Variants in HOMER2 observed in about 807,000 individuals in gnomAD.
HOMER2 encodes the protein homer protein homolog 2.
A neutral mutation model predicts 47.0 loss-of-function variants in HOMER2; 27 were observed. The observed-to-expected ratio is 0.57, with a 90% CI of 0.42 to 0.79. The LOEUF is 0.79. HOMER2 is among the 30% of genes least tolerant of loss of function. The pLI is 0.00. For missense variants in HOMER2, 443 were observed against 435.0 expected (o/e 1.02, Z -0.16); for synonymous variants, 161 against 163.8 (o/e 0.98, Z 0.13).
At chr15:82,872,663 C>T (rs1596315863) in intron 3 of HOMER2, among the ~76,000 whole-genome samples, 1 of 152,218 alleles carries the variant, frequency 6.6e-6, no homozygotes, top group Admixed American at 6.5e-5. Context: ...CTCTCCACAG[C>T]TTCCCTCACA....
intron 1 of HOMER2, among the ~76,000 whole-genome samples, chr15:82,976,228 A>G (rs1238798456): frequency 6.6e-6 from 1 of 151,744 alleles, no homozygotes; most frequent in Non-Finnish European, 1.5e-5. Context: ...AAGTACCTCT[A>G]TACTTATATA....
intron 1 of HOMER2, among the ~76,000 whole-genome samples, chr15:82,917,015 T>C (rs1010427985): frequency 6.6e-6 from 1 of 152,150 alleles, no homozygotes; most frequent in Non-Finnish European, 1.5e-5. Context: ...TTGGCCAGGA[T>C]GGCCTCGATC....
exon 2 of HOMER2, chr15:82,838,282 A>G (rs886199766): frequency 6.6e-6 from 1 of 152,594 alleles, no homozygotes; most frequent in Non-Finnish European, 1.5e-5. Context: ...AAGACTGTGT[A>G]ACCTACTGTG....
intron 1 of HOMER2, among the ~76,000 whole-genome samples, chr15:82,937,948 G>A (rs1046102788): frequency 3.3e-5 from 5 of 152,156 alleles, no homozygotes; most frequent in African/African-American, 1.2e-4. Flanking sequence ...GTCCCTGAAG[G>A]CTGTTCTCTA....
intron 3 of HOMER2, among the ~76,000 whole-genome samples, chr15:82,866,643 G>A (rs2051976992): frequency 6.6e-6 from 1 of 152,198 alleles, no homozygotes; most frequent in African/African-American, 2.4e-5. Context: ...CCTGGTGGGA[G>A]TAACTGAATC....
intron 1 of HOMER2, among the ~76,000 whole-genome samples, chr15:82,908,810 G>A (rs1245659821): frequency 2.0e-5 from 3 of 151,744 alleles, no homozygotes; most frequent in Admixed American, 6.6e-5. Flanking sequence ...ACTCTAAATT[G>A]TCTGGCTTGG....
intron 2 of HOMER2, among the ~76,000 whole-genome samples, chr15:82,890,941 G>GA (rs1202723117): frequency 1.3e-5 from 2 of 151,994 alleles, no homozygotes; most frequent in African/African-American, 2.4e-5. Flanking sequence ...CTCTCAGAAG[G>GA]AAAAAAATAA....
At chr15:82,965,093 C>T (rs1362275150) in intron 1 of HOMER2, among the ~76,000 whole-genome samples, 1 of 152,148 alleles carries the variant, frequency 6.6e-6, no homozygotes, top group Non-Finnish European at 1.5e-5. Flanking sequence ...CATCCTAGCT[C>T]ACCGCAGTCC....
intron 1 of HOMER2, among the ~76,000 whole-genome samples, chr15:82,907,226 G>A (rs918279506): frequency 6.6e-6 from 1 of 152,038 alleles, no homozygotes; most frequent in South Asian, 2.1e-4. Flanking sequence ...GCATGGTGGC[G>A]GGTGCGTGCA....
intron 1 of HOMER2, among the ~76,000 whole-genome samples, chr15:82,945,919 G>A (rs200628260): frequency 3.6e-4 from 55 of 151,768 alleles, no homozygotes; most frequent in African/African-American, 1.1e-3. Context: ...GCAGTGAGCC[G>A]AAATCGCACC....
At chr15:82,865,980 A>G (rs906693723) in intron 3 of HOMER2, among the ~76,000 whole-genome samples, 1 of 152,322 alleles carries the variant, frequency 6.6e-6, no homozygotes, top group South Asian at 2.1e-4. Context: ...AAAGTCCCCC[A>G]CAGAGTCCCT....
intron 1 of HOMER2, among the ~76,000 whole-genome samples, chr15:82,916,427 T>C (rs1372390281): frequency 6.6e-6 from 1 of 152,048 alleles, no homozygotes; most frequent in East Asian, 1.9e-4. Context: ...TGTGTGTACA[T>C]GGGATGAGGT....
intron 1 of HOMER2, among the ~76,000 whole-genome samples, chr15:82,959,679 G>A (rs565994286): frequency 1.2e-4 from 19 of 152,230 alleles, no homozygotes; most frequent in African/African-American, 2.2e-4. Flanking sequence ...CCCAGGCATC[G>A]GCAATCCTTT....
At chr15:82,843,455 A>AC (rs2051198366) in exon 2 of HOMER2, 1 of 147,724 alleles carries the variant, frequency 6.8e-6, no homozygotes, top group Non-Finnish European at 1.5e-5. Flanking sequence ...AAAAAAAAAA[A>AC]AAAAAAAAAA....
At chr15:82,847,449 G>A (rs144524408), downstream of HOMER2, among the ~76,000 whole-genome samples, 66 of 152,284 alleles carry the variant, frequency 4.3e-4, 1 homozygote, top group East Asian at 0.012. Context: ...AGGAATCCAA[G>A]TTCCTCACCT....
At chr15:82,952,407 C>A (rs2054525966) in intron 1 of HOMER2, 124 bp downstream of exon 1, 2 of 674,900 alleles carry the variant, frequency 3.0e-6, no homozygotes, top group Non-Finnish European at 4.0e-6. Context: ...AGAGTGTGCG[C>A]TCGCTCCGGC....
chr15:82,928,645 T>C (rs2053916790), intron 1 of HOMER2, among the ~76,000 whole-genome samples: 2 of 152,214 alleles, frequency 1.3e-5, no homozygotes, highest in Admixed American at 1.3e-4. Context: ...GTTTAGCCTT[T>C]AATGGGTAGA....
chr15:82,860,375 G>A (rs1321671363), intron 4 of HOMER2, among the ~76,000 whole-genome samples: 2 of 151,834 alleles, frequency 1.3e-5, no homozygotes, highest in African/African-American at 4.9e-5. Flanking sequence ...TATGGTGGGG[G>A]GGAGCAAATG....
intron 4 of HOMER2, 100 bp from the exon 5 acceptor site, chr15:82,859,235 TAAG>T (rs1567017648): frequency 6.4e-7 from 1 of 1,573,906 alleles, no homozygotes; most frequent in East Asian, 2.3e-5. Flanking sequence ...TTAGGCATAA[TAAG>T]AAACTTTACG....
Sources: gnomAD v4.1 joint callset for allele counts (sites outside exome capture counted in the v4.1 genomes callset) on GRCh38, gnomAD v4.1.1 for gene constraint, MANE v1.5 for transcripts, NCBI Gene and HGNC (gene_info 2026-07-23, HGNC 2026-07-21) for gene names.